CNTNAP4: variants seen among roughly 807,000 people sequenced by gnomAD.
CNTNAP4 encodes contactin associated protein family member 4.
Under a neutral mutation model 148.4 loss-of-function variants are expected in CNTNAP4, and 98 were observed. The observed-to-expected ratio is 0.66, with a 90% CI of 0.56 to 0.78. The LOEUF is 0.78. Among genes scored for constraint, CNTNAP4 ranks in the 30% least tolerant of loss-of-function variants. The pLI is 0.00. For missense variants in CNTNAP4, 1,935 were observed against 1,565.6 expected, an observed-to-expected ratio of 1.24 and a Z score of -3.98; for synonymous variants, 730 against 565.1, an observed-to-expected ratio of 1.29 and a Z score of -4.14.
chr16:76,437,284 A>T (rs886816122), intron 4 of CNTNAP4, among the ~76,000 whole-genome samples: 3 of 152,050 alleles, frequency 2.0e-5, no homozygotes, highest in African/African-American at 7.2e-5. Flanking sequence ...CTGAAATGTT[A>T]ATCTCCTTTG....
intron 12 of CNTNAP4, among the ~76,000 whole-genome samples, chr16:76,481,141 A>G (rs2143677371): frequency 6.6e-6 from 1 of 152,342 alleles, no homozygotes; most frequent in South Asian, 2.1e-4. Context: ...TATGTAATGA[A>G]GGAAAGATGG....
At chr16:76,378,929 G>A (rs559519764) in intron 3 of CNTNAP4, among the ~76,000 whole-genome samples, 1 of 152,200 alleles carries the variant, frequency 6.6e-6, no homozygotes, top group South Asian at 2.1e-4. Context: ...TCAGAGAGAG[G>A]GCTTCAGTTC....
intron 1 of CNTNAP4, among the ~76,000 whole-genome samples, chr16:76,279,355 T>C (rs1246092148): frequency 1.3e-5 from 2 of 152,246 alleles, no homozygotes; most frequent in Non-Finnish European, 2.9e-5. Flanking sequence ...TTATTTGGGC[T>C]GCTAGTTGTT....
At chr16:76,328,827 T>C (rs1448942087) in intron 2 of CNTNAP4, among the ~76,000 whole-genome samples, 2 of 152,152 alleles carry the variant, frequency 1.3e-5, no homozygotes, top group Non-Finnish European at 2.9e-5. Context: ...GTATTTTTAG[T>C]AGAGACGGGG....
At chr16:76,410,631 A>T (rs2078759465) in intron 3 of CNTNAP4, among the ~76,000 whole-genome samples, 1 of 151,728 alleles carries the variant, frequency 6.6e-6, no homozygotes, top group African/African-American at 2.4e-5. Flanking sequence ...GAATAGGTTA[A>T]GCCCTGATTA....
At position 76,508,973 on chromosome 16, in the gene CNTNAP4, G is replaced by T. The variant is rs1274904708; in HGVS notation, c.2365+10279G>T. 5.3e-5 allele frequency among the ~76,000 whole-genome samples: 5 copies of T among 95,192 alleles called. 2 individuals are homozygous for T. Among genetic ancestry groups the T allele is most frequent in the African/African-American group, 1.0e-4 (4 of 38,168 alleles). 62.4% of individuals were successfully genotyped at this position (95,192 alleles called of 152,430 possible). A position where few individuals can be genotyped will look rare whatever the true frequency, so the allele number is the denominator to read the frequency against. On this transcript the variant is annotated intron_variant, in intron 15 of 23. Coordinates refer to ENST00000611870, the MANE Select transcript of CNTNAP4 (RefSeq NM_033401.5). Reference sequence around the variant, plus strand: ...TCACCATGTTAGCCAGGATGGTCTCGATCTCCTGACCTTGTGATCCACCCG... The same window carrying T: ...TCACCATGTTAGCCAGGATGGTCTCTATCTCCTGACCTTGTGATCCACCCG...
At chr16:76,331,478 A>C (rs1963520289) in intron 2 of CNTNAP4, among the ~76,000 whole-genome samples, 1 of 149,106 alleles carries the variant, frequency 6.7e-6, no homozygotes, top group Non-Finnish European at 1.5e-5. Flanking sequence ...GTGAGCTACC[A>C]CGGCCGGCCT....
chr16:76,451,142 C>T (rs2143219183), intron 7 of CNTNAP4, among the ~76,000 whole-genome samples: 1 of 152,236 alleles, frequency 6.6e-6, no homozygotes, highest in African/African-American at 2.4e-5. Flanking sequence ...TGCAGGAGAG[C>T]AAGGACAGAC....
intron 13 of CNTNAP4, among the ~76,000 whole-genome samples, chr16:76,492,375 A>G (rs1282640346): frequency 2.0e-5 from 3 of 152,204 alleles, no homozygotes; most frequent in Admixed American, 6.5e-5. Context: ...AATGTGTACA[A>G]TTTTTATTTG....
rs536640115 is a variant in CNTNAP4 at position 76,350,147 on chromosome 16, C to T, written c.197-5171C>T. 3.6e-3 allele frequency among the ~76,000 whole-genome samples: 546 copies of T among 152,048 alleles called. 2 individuals are homozygous for T. The highest frequency in any genetic ancestry group is 6.0e-3 in the Non-Finnish European group (405 of 67,998). ...ACAGAATAAATTATTTGAACATATT[C>T]TTGGGATAAAATATACTACTATGAG... On this transcript the variant is annotated intron_variant, in intron 2 of 23. Transcript: ENST00000611870.
At chr16:76,364,703 C>T (rs2013888850) in intron 3 of CNTNAP4, among the ~76,000 whole-genome samples, 1 of 152,144 alleles carries the variant, frequency 6.6e-6, no homozygotes, top group African/African-American at 2.4e-5. Flanking sequence ...TTCCTTAGGA[C>T]CTAGACAAAA....
chr16:76,292,980 C>G (rs962796181), intron 1 of CNTNAP4, among the ~76,000 whole-genome samples: 3 of 152,218 alleles, frequency 2.0e-5, no homozygotes, highest in Non-Finnish European at 2.9e-5. Flanking sequence ...CTGATTAATT[C>G]CAGCCACTTT....
chr16:76,406,317 T>G (rs1258091236), intron 3 of CNTNAP4, among the ~76,000 whole-genome samples: 1 of 152,236 alleles, frequency 6.6e-6, no homozygotes, highest in Non-Finnish European at 1.5e-5. Context: ...AATGTGTGTG[T>G]TCTGACTCCT....
At chr16:76,424,002 C>G (rs930265458) in intron 3 of CNTNAP4, among the ~76,000 whole-genome samples, 2 of 151,996 alleles carry the variant, frequency 1.3e-5, no homozygotes, top group Non-Finnish European at 2.9e-5. Flanking sequence ...TCCCATATCC[C>G]CAACCTCACA....
At position 76,429,471 on chromosome 16, in the gene CNTNAP4, C is replaced by T. The variant is rs77811234; in HGVS notation, c.538+1872C>T. On this transcript the variant is annotated intron_variant, in intron 4 of 23. Coordinates refer to ENST00000611870, the MANE Select transcript of CNTNAP4 (RefSeq NM_033401.5). ...ACTAATAATTTAATCCTCAAAACCA[C>T]CCATTTATTAGAGAGAAAACTGGGT... is the stretch of plus-strand genomic sequence containing the variant. Among the ~76,000 whole-genome samples, 1,054 of 152,268 alleles carry T rather than the reference C, an allele frequency of 6.9e-3. 9 individuals are homozygous for T. Among genetic ancestry groups the T allele is most frequent in the African/African-American group, 0.024 (995 of 41,558 alleles).
At position 76,386,278 on chromosome 16, in the gene CNTNAP4, G is replaced by A. The variant is rs866036116; in HGVS notation, c.390+30767G>A. On this transcript the variant is annotated intron_variant, in intron 3 of 23. Coordinates refer to ENST00000611870, the MANE Select transcript of CNTNAP4 (RefSeq NM_033401.5). ...TATAGCTCTATTATATTCTTGCCAC[G>A]TCTTTTATAATCTGTTTATAAAAAC... 5.9e-5 allele frequency among the ~76,000 whole-genome samples: 9 copies of A among 152,128 alleles called. 1 individual carries two copies. The Middle Eastern group carries it at 0.021, about 347-fold the overall frequency.
intron 3 of CNTNAP4, among the ~76,000 whole-genome samples, chr16:76,409,314 A>C (rs1350396688): frequency 6.6e-6 from 1 of 151,690 alleles, no homozygotes; most frequent in Admixed American, 6.6e-5. Flanking sequence ...TAGTTTCTTA[A>C]AATTAAAATA....
At chr16:76,530,883 G>C (rs973589081) in intron 17 of CNTNAP4, among the ~76,000 whole-genome samples, 1 of 152,158 alleles carries the variant, frequency 6.6e-6, no homozygotes, top group Non-Finnish European at 1.5e-5. Context: ...ACCAGGAAGC[G>C]AACAGGGTTG....
intron 3 of CNTNAP4, among the ~76,000 whole-genome samples, chr16:76,389,119 G>A (rs969965425): frequency 6.6e-6 from 1 of 152,132 alleles, no homozygotes; most frequent in African/African-American, 2.4e-5. Context: ...TAGGAAATAA[G>A]GAAAATGAAT....
Sources: gnomAD v4.1 joint callset for allele counts (sites outside exome capture counted in the v4.1 genomes callset) on GRCh38, gnomAD v4.1.1 for gene constraint, MANE v1.5 for transcripts, NCBI Gene and HGNC (gene_info 2026-07-23, HGNC 2026-07-21) for gene names.